The following MYLK variants were observed in gnomAD, a reference collection of about 807,000 sequenced individuals.
The protein encoded by MYLK is myosin light chain kinase.
MYLK carries 106 observed loss-of-function variants against 203.4 expected under a neutral mutation model. The observed-to-expected ratio is 0.52, with a 90% CI of 0.45 to 0.61. The LOEUF is 0.61. MYLK is among the 20% of genes least tolerant of loss of function. MYLK has a pLI of 0.00. For missense variants in MYLK, 2,072 were observed against 2,442.3 expected, an observed-to-expected ratio of 0.85 and a Z score of 3.20; for synonymous variants, 867 against 959.5, an observed-to-expected ratio of 0.90 and a Z score of 1.78.
intron 4 of MYLK, among the ~76,000 whole-genome samples, chr3:123,784,751 C>T (rs536992556): frequency 6.6e-6 from 1 of 152,322 alleles, no homozygotes; most frequent in African/African-American, 2.4e-5. Flanking sequence ...CCATCAGTGG[C>T]TGAAGAACTA....
At chr3:123,816,120 A>T (rs901141837) in intron 3 of MYLK, among the ~76,000 whole-genome samples, 3 of 152,242 alleles carry the variant, frequency 2.0e-5, no homozygotes, top group Non-Finnish European at 2.9e-5. Flanking sequence ...ACTTCCTGGG[A>T]GGATGGTGGG....
chr3:123,680,161 A>G (rs952365294), intron 20 of MYLK, among the ~76,000 whole-genome samples: 9 of 152,178 alleles, frequency 5.9e-5, no homozygotes, highest in African/African-American at 1.9e-4. Flanking sequence ...GACAGCTTGC[A>G]TGGGGTTTCC....
chr3:123,644,296 A>G (rs1443242760), intron 27 of MYLK, among the ~76,000 whole-genome samples: 1 of 152,174 alleles, frequency 6.6e-6, no homozygotes, highest in East Asian at 1.9e-4. Flanking sequence ...TAGATGGAGT[A>G]TGAACCTGTT....
intron 2 of MYLK, among the ~76,000 whole-genome samples, chr3:123,853,821 T>C (rs945193628): frequency 2.6e-5 from 4 of 152,214 alleles, no homozygotes; most frequent in African/African-American, 9.6e-5. Context: ...TCTGATAGAT[T>C]CCAAAAACAC....
rs149109377 is a variant in MYLK at position 123,838,276 on chromosome 3, C to G, written c.-126-6606G>C. ...TCTTAAAGGTACTGAAAGAAAGAACCCTGTCAATCTGGAATTCCATACTCC... is the reference window on the plus strand; with the variant it reads ...TCTTAAAGGTACTGAAAGAAAGAACGCTGTCAATCTGGAATTCCATACTCC... On this transcript the variant is annotated intron_variant, in intron 2 of 33. Transcript: ENST00000360304. Among the ~76,000 whole-genome samples, 462 of 152,088 alleles carry G rather than the reference C, an allele frequency of 3.0e-3. 2 individuals are homozygous for G. Among genetic ancestry groups the G allele is most frequent in the African/African-American group, 0.01 (424 of 41,498 alleles).
intron 1 of MYLK, among the ~76,000 whole-genome samples, chr3:123,883,569 C>A (rs1166561470): frequency 6.6e-6 from 1 of 152,200 alleles, no homozygotes; most frequent in Non-Finnish European, 1.5e-5. Flanking sequence ...AGGGAGGGGT[C>A]TACCTCAACC....
chr3:123,764,740 C>T (rs1191432363), intron 4 of MYLK, among the ~76,000 whole-genome samples: 4 of 152,274 alleles, frequency 2.6e-5, no homozygotes, highest in Admixed American at 6.5e-5. Context: ...TGGACTACAG[C>T]GGGGAACCGG....
intron 12 of MYLK, among the ~76,000 whole-genome samples, chr3:123,723,418 T>C (rs2062162855): frequency 6.6e-6 from 1 of 152,244 alleles, no homozygotes; most frequent in Non-Finnish European, 1.5e-5. Context: ...ATCCTGCCAC[T>C]GAGAGAAGTG....
chr3:123,747,077 C>A (rs2063041733), intron 5 of MYLK, among the ~76,000 whole-genome samples: 1 of 152,098 alleles, frequency 6.6e-6, no homozygotes, highest in Admixed American at 6.5e-5. Context: ...TCAATCCAAC[C>A]CAACATGAAG....
At chr3:123,864,881 T>C (rs1269112236) in intron 2 of MYLK, among the ~76,000 whole-genome samples, 2 of 152,186 alleles carry the variant, frequency 1.3e-5, no homozygotes, top group African/African-American at 2.4e-5. Context: ...ACAGACTCCA[T>C]CTCTACATAT....
chr3:123,612,307 G>A lies in MYLK; in HGVS notation c.*1798C>T, dbSNP rs528431976. On this transcript the variant is annotated 3_prime_UTR_variant, in exon 34 of 34. Coordinates refer to ENST00000360304, the MANE Select transcript of MYLK (RefSeq NM_053025.4). ...GAAGTCTGCAAAGATTGAACAAACAGCATGCACTGTGGTATCCTTTATTTA... is the reference window on the plus strand; with the variant it reads ...GAAGTCTGCAAAGATTGAACAAACAACATGCACTGTGGTATCCTTTATTTA... 2.6e-5 allele frequency: 4 copies of A among 152,750 alleles called. No individual in the cohort carries two copies. The highest frequency in any genetic ancestry group is 9.6e-5 in the African/African-American group (4 of 41,578). The allele number at this position is 152,750 out of a possible 1,614,324, so 9.5% of individuals were successfully genotyped here.
intron 1 of MYLK, among the ~76,000 whole-genome samples, chr3:123,878,981 C>G (rs1407096590): frequency 1.3e-5 from 2 of 152,184 alleles, no homozygotes; most frequent in East Asian, 1.9e-4. Context: ...CCACGGTGCC[C>G]AGCCACCACT....
At chr3:123,621,501 G>T (rs1465982712) in intron 31 of MYLK, 1 of 152,174 alleles carries the variant, frequency 6.6e-6, no homozygotes, top group Non-Finnish European at 1.5e-5. Context: ...ACATGCTCAA[G>T]TACTTCAGTA....
intron 28 of MYLK, chr3:123,638,758 C>T: frequency 1.0e-6 from 1 of 985,404 alleles, no homozygotes; most frequent in Non-Finnish European, 1.2e-6. Flanking sequence ...CTCTCCTACT[C>T]CTCACACAGC....
At chr3:123,681,533 G>A (rs552380823) in intron 20 of MYLK, 1 of 153,508 alleles carries the variant, frequency 6.5e-6, no homozygotes, top group African/African-American at 2.4e-5. Context: ...GAAGAACTCA[G>A]GGATGAGAGA....
chr3:123,663,466 C>T (rs2059632245), intron 23 of MYLK, among the ~76,000 whole-genome samples: 1 of 152,068 alleles, frequency 6.6e-6, no homozygotes, highest in Non-Finnish European at 1.5e-5. Flanking sequence ...GCAGTAGAGA[C>T]TCACCCCTGT....
intron 13 of MYLK, among the ~76,000 whole-genome samples, chr3:123,716,735 T>C (rs2061907993): frequency 6.6e-6 from 1 of 152,220 alleles, no homozygotes; most frequent in Non-Finnish European, 1.5e-5. Context: ...CCTGCGATTC[T>C]GGATAGCATT....
intron 32 of MYLK, among the ~76,000 whole-genome samples, chr3:123,619,553 G>C (rs1042192147): frequency 6.6e-6 from 1 of 152,184 alleles, no homozygotes; most frequent in South Asian, 2.1e-4. Flanking sequence ...GGGTGTCTCT[G>C]GCCAAATGAG....
intron 3 of MYLK, among the ~76,000 whole-genome samples, chr3:123,823,842 C>A (rs936408984): frequency 6.6e-6 from 1 of 152,186 alleles, no homozygotes; most frequent in Non-Finnish European, 1.5e-5. Context: ...CACTCACTGG[C>A]CTGCTTTGCT....
Sources: gnomAD v4.1 joint callset for allele counts (sites outside exome capture counted in the v4.1 genomes callset) on GRCh38, gnomAD v4.1.1 for gene constraint, MANE v1.5 for transcripts, NCBI Gene and HGNC (gene_info 2026-07-23, HGNC 2026-07-21) for gene names.